Variants in LRRC75A observed in about 807,000 individuals in gnomAD.
The protein encoded by LRRC75A is leucine rich repeat containing 75A.
LRRC75A carries 12 observed loss-of-function variants against 26.0 expected under a neutral mutation model. The ratio of observed to expected loss-of-function variants is 0.46; its 90% CI spans 0.30 to 0.75. The LOEUF is 0.75. Ranked by LOEUF, LRRC75A falls within the 30% of genes least tolerant of loss-of-function variation. The pLI, the probability that LRRC75A is intolerant of heterozygous loss-of-function variation, is 0.08. For synonymous variants in LRRC75A, 223 were observed against 219.3 expected, an observed-to-expected ratio of 1.02 and a Z score of -0.15; for missense variants, 410 against 486.6, an observed-to-expected ratio of 0.84 and a Z score of 1.48.
intron 1 of LRRC75A, among the ~76,000 whole-genome samples, chr17:16,478,950 G>C (rs7214658): frequency 0.012 from 1,823 of 152,318 alleles, 44 homozygotes; most frequent in African/African-American, 0.042. Context: ...GTTACTTACC[G>C]GGGTGGGAGC....
intron 2 of LRRC75A, chr17:16,448,258 C>A: frequency 2.5e-6 from 1 of 401,364 alleles, no homozygotes; most frequent in Non-Finnish European, 4.8e-6. Context: ...GACCCCCTGG[C>A]CAAGACTCAC....
intron 3 of LRRC75A, chr17:16,446,853 C>T (rs1199415620): frequency 1.1e-5 from 3 of 280,024 alleles, no homozygotes; most frequent in Admixed American, 8.9e-5. Context: ...AGAGCCCCTC[C>T]CGTAGCCAGC....
In LRRC75A at chr17:16,491,704, C is replaced by T; in HGVS notation, c.246+41G>A. On this transcript the variant is annotated intron_variant, in intron 1 of 3. Transcript: ENST00000470794. This position sits in a 1 kb window ranked among gnomAD's most constrained non-coding sequence, Gnocchi z 5.9. ...GCGCCCCCCCCGGCCCAGCACGCCC[C>T]CTGGCCCGGCGCGCCCCCCGCGCCC... 1.6e-6 allele frequency: 2 copies of T among 1,287,198 alleles called. No individual in the cohort carries two copies. The highest frequency in any genetic ancestry group is 4.2e-5 in the South Asian group (2 of 47,836). 79.7% of individuals were successfully genotyped at this position (1,287,198 alleles called of 1,614,324 possible).
intron 1 of LRRC75A, among the ~76,000 whole-genome samples, chr17:16,464,885 T>G (rs1328123595): frequency 1.3e-5 from 2 of 152,188 alleles, no homozygotes; most frequent in East Asian, 3.9e-4. Flanking sequence ...TCAAAGGACT[T>G]GTGTTCTACG....
At chr17:16,448,490 G>A (rs1314066586) in intron 2 of LRRC75A, among the ~76,000 whole-genome samples, 5 of 152,214 alleles carry the variant, frequency 3.3e-5, no homozygotes, top group Non-Finnish European at 1.5e-5. Flanking sequence ...AGGAGGCCAA[G>A]TCTTTCCCAG....
rs537863495 is a variant in LRRC75A at position 16,475,974 on chromosome 17, T to C, written c.247-13588A>G. On this transcript the variant is annotated intron_variant, in intron 1 of 3. Transcript: ENST00000470794. ...TTGGGAGACCGAGGTGGGTGGATCA[T>C]GAGGTCAGGAGATCTAGACCATCCT... is the stretch of plus-strand genomic sequence containing the variant. 5.9e-4 allele frequency among the ~76,000 whole-genome samples: 90 copies of C among 151,968 alleles called. No homozygotes were observed. In the Middle Eastern group the frequency reaches 0.01, roughly 17 times the overall value.
chr17:16,460,670 T>C (rs764242888), intron 2 of LRRC75A, among the ~76,000 whole-genome samples: 3 of 152,246 alleles, frequency 2.0e-5, no homozygotes, highest in Non-Finnish European at 2.9e-5. Flanking sequence ...TCCTCGGAGG[T>C]GTAACCTTGC....
chr17:16,478,661 G>A (rs1057507084), intron 1 of LRRC75A: 5 of 152,182 alleles, frequency 3.3e-5, no homozygotes, highest in African/African-American at 1.2e-4. Context: ...TGGAGAGATG[G>A]GAATTCTTGG....
In LRRC75A at chr17:16,443,894, G is replaced by T. The variant is rs201939292; in HGVS notation, c.729C>A (p.Thr243=). 1.3e-4 allele frequency: 205 copies of T among 1,613,292 alleles called. No homozygotes were observed. The highest frequency in any genetic ancestry group is 1.7e-4 in the Non-Finnish European group (201 of 1,179,488). Residue 243 remains threonine (T), a synonymous_variant, in exon 4 of 4, where the codon ACC becomes ACA. Coordinates refer to ENST00000470794, the MANE Select transcript of LRRC75A (RefSeq NM_001113567.3). ...TTLALNGNRL[T]RAVLRDLTDI... is the part of the protein sequence containing the mutation. ...CAGTGAGGTCGCGCAGCACGGCCCGGGTCAACCGGTTGCCATTGAGTGCCA... is the reference window on the plus strand; with the variant it reads ...CAGTGAGGTCGCGCAGCACGGCCCGTGTCAACCGGTTGCCATTGAGTGCCA...
intron 1 of LRRC75A, among the ~76,000 whole-genome samples, chr17:16,487,362 G>C (rs982617097): frequency 1.3e-5 from 2 of 152,204 alleles, no homozygotes; most frequent in Non-Finnish European, 2.9e-5. Context: ...TCATCTTTCT[G>C]CTTCTAGGTA....
rs145751920 is a variant in LRRC75A, at chr17:16,484,769, A to C, written c.246+6976T>G. Among the ~76,000 whole-genome samples the C allele has an allele frequency of 6.7e-3, 1,025 of 152,292 alleles. 26 individuals carry two copies. The highest frequency in any genetic ancestry group is 0.036 in the Admixed American group (549 of 15,298). ...GACACGCGGACACTGAGGGCCGAGC[A>C]GGAGCGAGGGGCAGCTCTGAAGGTG... On this transcript the variant is annotated intron_variant, in intron 1 of 3. Transcript: ENST00000470794.
At chr17:16,484,556 G>A (rs1466169276) in intron 1 of LRRC75A, among the ~76,000 whole-genome samples, 1 of 152,124 alleles carries the variant, frequency 6.6e-6, no homozygotes, top group Non-Finnish European at 1.5e-5. Flanking sequence ...AGTTCTCATG[G>A]CCCCACTCCC....
At position 16,456,152 on chromosome 17, in the gene LRRC75A, G is replaced by GAGGAGGAGGAAGAGGAGGGGT. The variant is rs796860990; in HGVS notation, c.375+6085_375+6105dup. On this transcript the variant is annotated intron_variant, in intron 2 of 3. Coordinates refer to ENST00000470794, the MANE Select transcript of LRRC75A (RefSeq NM_001113567.3). ...GTAGGAGGAGGAGGAAGAGGAGGGA[G>GAGGAGGAGGAAGAGGAGGGGT]AGGAGGAGGAAGAGGAGGGGTAGGA... is the stretch of plus-strand genomic sequence containing the variant. 9.2e-3 allele frequency among the ~76,000 whole-genome samples: 1,233 copies of GAGGAGGAGGAAGAGGAGGGGT among 134,202 alleles called. 86 individuals are homozygous for GAGGAGGAGGAAGAGGAGGGGT. The highest frequency in any genetic ancestry group is 0.011 in the Non-Finnish European group (665 of 62,638). 88.0% of individuals were successfully genotyped at this position (134,202 alleles called of 152,430 possible).
At chr17:16,456,062 A>G (rs1435249834) in intron 2 of LRRC75A, among the ~76,000 whole-genome samples, 9 of 134,416 alleles carry the variant, frequency 6.7e-5, no homozygotes, top group East Asian at 2.6e-4. Flanking sequence ...AGAGGAGGAG[A>G]AGGAGGAAGA....
intron 1 of LRRC75A, among the ~76,000 whole-genome samples, chr17:16,471,071 A>G (rs1415533568): frequency 6.6e-6 from 1 of 152,208 alleles, no homozygotes; most frequent in African/African-American, 2.4e-5. Context: ...CTCATTTGGA[A>G]AAAGGGTCTT....
At chr17:16,480,650 A>AC (rs1555893213) in intron 1 of LRRC75A, among the ~76,000 whole-genome samples, 3 of 151,702 alleles carry the variant, frequency 2.0e-5, no homozygotes, top group Non-Finnish European at 2.9e-5. Flanking sequence ...AAACAAAAAA[A>AC]AAAAACTGGA....
rs2093557689 is a variant in LRRC75A, at chr17:16,443,993, G to A, written c.630C>T (p.Gly210=). The A allele has an allele frequency of 7.4e-6, 12 of 1,613,740 alleles. No homozygotes were observed. Among genetic ancestry groups the A allele is most frequent in the Non-Finnish European group, 1.0e-5 (12 of 1,180,034 alleles). ...CGEQVDSVEL[G]FTGLTDDMVL... is the part of the protein sequence containing the mutation. Reference sequence around the variant, plus strand: ...CCATGTCGTCCGTGAGGCCTGTGAAGCCCAGCTCCACGCTGTCTACCTGCT... The same window carrying A: ...CCATGTCGTCCGTGAGGCCTGTGAAACCCAGCTCCACGCTGTCTACCTGCT... Residue 210 remains glycine (G), a synonymous_variant, in exon 4 of 4, where the codon GGC becomes GGT. Coordinates refer to ENST00000470794, the MANE Select transcript of LRRC75A (RefSeq NM_001113567.3).
intron 2 of LRRC75A, among the ~76,000 whole-genome samples, chr17:16,448,542 C>T (rs11871929): frequency 0.2 from 30,785 of 152,222 alleles, 3,725 homozygotes; most frequent in Middle Eastern, 0.31. Context: ...CCGTTGGCAT[C>T]TGAGTTTGAA....
At chr17:16,448,052 C>G in intron 2 of LRRC75A, 92 bp from the exon 3 acceptor site, 1 of 1,173,844 alleles carries the variant, frequency 8.5e-7, no homozygotes, top group Non-Finnish European at 1.2e-6. Flanking sequence ...AAGAGCCCAG[C>G]TCCCCCAGGC....
Sources: allele counts gnomAD v4.1 joint callset (sites outside exome capture counted in the v4.1 genomes callset), GRCh38; gene constraint gnomAD v4.1.1; non-coding constraint Gnocchi (gnomAD v3.1); transcripts MANE v1.5; gene names NCBI Gene and HGNC (gene_info 2026-07-23, HGNC 2026-07-21).